Variants in PCDHGA6 observed in about 807,000 individuals in gnomAD.
PCDHGA6 encodes the protein protocadherin gamma subfamily A, 6.
Under a neutral mutation model 60.6 loss-of-function variants are expected in PCDHGA6, and 41 were observed. That is an observed-to-expected ratio of 0.68 (90% CI 0.53 to 0.88). The LOEUF (loss-of-function observed/expected upper bound fraction) is 0.88. PCDHGA6 is among the 40% of genes least tolerant of loss of function. The probability of loss-of-function intolerance (pLI) is 0.00; values close to 1 mark genes in which losing one functional copy is unlikely to be tolerated. For missense variants in PCDHGA6, 1,312 were observed against 1,203.0 expected (o/e 1.09, Z -1.34); for synonymous variants, 594 against 524.4 (o/e 1.13, Z -1.81).
Position 141,432,916 on chromosome 5 carries a change from G to A in PCDHGA6, c.2424+56409G>A, listed in dbSNP as rs1303459899. ...TGCTGGCGCTCAGGCTGCGGCGCTG[G>A]CACAAGTCACGCCTGCTGCAGGCTT... is the stretch of plus-strand genomic sequence containing the variant. On this transcript the variant is annotated intron_variant, in intron 1 of 3. Transcript: ENST00000517434. This position sits in a 1 kb window ranked among gnomAD's most constrained non-coding sequence, Gnocchi z 6.0. 1.2e-6 allele frequency: 2 copies of A among 1,614,078 alleles called. No individual in the cohort carries two copies. The highest frequency in any genetic ancestry group is 1.7e-6 in the Non-Finnish European group (2 of 1,180,048).
chr5:141,431,239 G>A lies in PCDHGA6; in HGVS notation c.2424+54732G>A. 6.2e-7 allele frequency: 1 copy of A among 1,614,152 alleles called. No homozygotes were observed. The highest frequency in any genetic ancestry group is 1.3e-5 in the African/African-American group (1 of 75,062). On this transcript the variant is annotated intron_variant, in intron 1 of 3. Transcript: ENST00000517434. This position sits in a 1 kb window ranked among gnomAD's most constrained non-coding sequence, Gnocchi z 4.8. ...TCCCTCTACCCCACGCCTGGGATCC[G>A]GATATCGGGAAGAACTCTCTGCAGA...
intron 1 of PCDHGA6, chr5:141,394,886 C>CT: frequency 1.9e-6 from 3 of 1,613,890 alleles, no homozygotes; most frequent in Non-Finnish European, 2.5e-6. Context: ...GCCTTACACT[C>CT]TATCTCGTGG....
At chr5:141,482,530 CAAAAAAAAA>C (rs3074545) in intron 1 of PCDHGA6, among the ~76,000 whole-genome samples, 16 of 76,560 alleles carry the variant, frequency 2.1e-4, no homozygotes, top group African/African-American at 7.7e-4. Context: ...GACAGACATG[CAAAAAAAAA>C]AAAAAAAAAA....
chr5:141,428,168 C>A, intron 1 of PCDHGA6: 1 of 1,551,608 alleles, frequency 6.4e-7, no homozygotes, highest in Non-Finnish European at 8.8e-7. Context: ...GGTTGCTGTG[C>A]GTGACGGAGG....
rs773174763 is a variant in PCDHGA6 at position 141,477,409 on chromosome 5, C to T, written c.2425-17398C>T. The T allele has an allele frequency of 1.4e-5, 22 of 1,614,058 alleles. No homozygotes were observed. The highest frequency in any genetic ancestry group is 1.7e-5 in the Admixed American group (1 of 60,006). On this transcript the variant is annotated intron_variant, in intron 1 of 3. Transcript: ENST00000517434. This position sits in a 1 kb window ranked among gnomAD's most constrained non-coding sequence, Gnocchi z 4.9. ...ACAACCTCAGCATCACCGCCCGAGA[C>T]GCCGGAACCCCTTCCCTCTCAGCCC...
chr5:141,423,058 A>G (rs1235938743), intron 1 of PCDHGA6: 3 of 1,614,022 alleles, frequency 1.9e-6, no homozygotes, highest in African/African-American at 2.7e-5. Flanking sequence ...TCGCCTGCTT[A>G]AGGCCAGCGA....
intron 1 of PCDHGA6, chr5:141,413,019 C>T (rs1056458163): frequency 2.9e-6 from 2 of 683,106 alleles, no homozygotes; most frequent in Non-Finnish European, 4.7e-6. Flanking sequence ...ACTACACAAG[C>T]CCCACAAACC....
At chr5:141,384,745 C>G (rs1304134885) in intron 1 of PCDHGA6, 1 of 1,613,956 alleles carries the variant, frequency 6.2e-7, no homozygotes, top group African/African-American at 1.3e-5. Context: ...CGAGCCAGGA[C>G]TCTTTGCGGT....
Position 141,384,181 on chromosome 5 carries a change from G to A in PCDHGA6, c.2424+7674G>A, listed in dbSNP as rs765782736. ...CATCACACTGAAAGCCACAGATGGTGGAACTCCTCCCTTGTCCAGGGAAAC... is the reference window on the plus strand; with the variant it reads ...CATCACACTGAAAGCCACAGATGGTAGAACTCCTCCCTTGTCCAGGGAAAC... On this transcript the variant is annotated intron_variant, in intron 1 of 3. Coordinates refer to ENST00000517434, the MANE Select transcript of PCDHGA6 (RefSeq NM_018919.3). 18 of 1,613,702 alleles carry A rather than the reference G, an allele frequency of 1.1e-5. No homozygotes were observed. Among genetic ancestry groups the A allele is most frequent in the Non-Finnish European group, 1.4e-5 (16 of 1,179,868 alleles).
At chr5:141,390,334 A>T (rs764594293) in intron 1 of PCDHGA6, 1 of 1,597,538 alleles carries the variant, frequency 6.3e-7, no homozygotes, top group Non-Finnish European at 8.5e-7. Flanking sequence ...ATTTCTCCAT[A>T]TTCACAAGAA....
At chr5:141,473,002 GAA>G (rs2099311273) in intron 1 of PCDHGA6, among the ~76,000 whole-genome samples, 1 of 143,872 alleles carries the variant, frequency 7.0e-6, no homozygotes, top group East Asian at 2.0e-4. Flanking sequence ...AAAAAAGAAA[GAA>G]AAAGAAAAAG....
Position 141,487,125 on chromosome 5 carries a change from G to A in PCDHGA6, c.2425-7682G>A. 6.2e-7 allele frequency: 1 copy of A among 1,614,112 alleles called. No homozygotes were observed. The highest frequency in any genetic ancestry group is 8.5e-7 in the Non-Finnish European group (1 of 1,179,994). The stretch of plus-strand genomic sequence containing the variant: ...CTGGTCATTGTGGTAAAGGATAGTG[G>A]TAGTCCACCACTCTCTACCTCTGTT... On this transcript the variant is annotated intron_variant, in intron 1 of 3. Coordinates refer to ENST00000517434, the MANE Select transcript of PCDHGA6 (RefSeq NM_018919.3). This position sits in a 1 kb window ranked among gnomAD's most constrained non-coding sequence, Gnocchi z 5.0.
At chr5:141,407,360 A>G (rs1024336863) in intron 1 of PCDHGA6, among the ~76,000 whole-genome samples, 1 of 152,232 alleles carries the variant, frequency 6.6e-6, no homozygotes, top group Non-Finnish European at 1.5e-5. Flanking sequence ...GGAAAACATA[A>G]CAGATATCCA....
chr5:141,460,979 GTGTGTATATATATATA>G (rs2099004425), intron 1 of PCDHGA6, among the ~76,000 whole-genome samples: 1 of 134,290 alleles, frequency 7.4e-6, no homozygotes, highest in Non-Finnish European at 1.5e-5. Flanking sequence ...GTGTGTGTGT[GTGTGTATATATATATA>G]TGTGTATATA....
At chr5:141,395,077 A>C (rs2093162583) in intron 1 of PCDHGA6, 1 of 1,614,024 alleles carries the variant, frequency 6.2e-7, no homozygotes, top group South Asian at 1.1e-5. Context: ...ACCTATTCCC[A>C]GGAAGTCTCC....
At position 141,431,952 on chromosome 5, in the gene PCDHGA6, AC is replaced by A; in HGVS notation, c.2424+55446del. ...CTGCCCTTTAAATTAGAAAAATCTTACGGAAATTACTATAGTTTAGTCACAG... is the reference window on the plus strand; with the variant it reads ...CTGCCCTTTAAATTAGAAAAATCTTAGGAAATTACTATAGTTTAGTCACAG... On this transcript the variant is annotated intron_variant, in intron 1 of 3. Transcript: ENST00000517434. This position sits in a 1 kb window ranked among gnomAD's most constrained non-coding sequence, Gnocchi z 4.8. 1 of 1,614,166 alleles carries A rather than the reference AC, an allele frequency of 6.2e-7. No homozygotes were observed. The highest frequency in any genetic ancestry group is 1.1e-5 in the South Asian group (1 of 91,090).
intron 1 of PCDHGA6, chr5:141,408,684 A>G (rs1660685979): frequency 6.2e-7 from 1 of 1,613,862 alleles, no homozygotes; most frequent in African/African-American, 1.3e-5. Context: ...ACGGATCCTG[A>G]TATAAACATA....
chr5:141,388,723 C>T, intron 1 of PCDHGA6: 1 of 1,614,018 alleles, frequency 6.2e-7, no homozygotes, highest in Non-Finnish European at 8.5e-7. Flanking sequence ...ATTACTTTCT[C>T]TTTCAGTGAA....
Position 141,387,312 on chromosome 5 carries a change from G to A in PCDHGA6, c.2424+10805G>A, listed in dbSNP as rs576543135. Reference sequence around the variant, plus strand: ...AAAATGTATCCAGTATATTTCTAATGAGTAAGTATGGAAAATTACTGTACT... The same window carrying A: ...AAAATGTATCCAGTATATTTCTAATAAGTAAGTATGGAAAATTACTGTACT... On this transcript the variant is annotated intron_variant, in intron 1 of 3. Transcript: ENST00000517434. Among the ~76,000 whole-genome samples, 3 of 152,338 alleles carry A rather than the reference G, an allele frequency of 2.0e-5. No homozygotes were observed. The East Asian group carries it at 5.8e-4, about 29-fold the overall frequency.
Sources: gnomAD v4.1 joint callset for allele counts (sites outside exome capture counted in the v4.1 genomes callset) on GRCh38, gnomAD v4.1.1 for gene constraint, Gnocchi (gnomAD v3.1) non-coding constraint, MANE v1.5 for transcripts, NCBI Gene and HGNC (gene_info 2026-07-23, HGNC 2026-07-21) for gene names.